The following THSD7B variants were observed in gnomAD, a reference collection of about 807,000 sequenced individuals.
The protein encoded by THSD7B is thrombospondin type 1 domain containing 7B.
In THSD7B, 138 loss-of-function variants were observed where a neutral mutation model predicts 213.6. That is an observed-to-expected ratio of 0.65 (90% CI 0.56 to 0.74). The LOEUF (loss-of-function observed/expected upper bound fraction) is 0.74. THSD7B is among the 30% of genes least tolerant of loss of function. The pLI is 0.00. For synonymous variants in THSD7B, 742 were observed against 687.0 expected (o/e 1.08, Z -1.25); for missense variants, 1,931 against 1,991.5 (o/e 0.97, Z 0.58).
At chr2:137,050,312 A>G (rs1360303733) in intron 2 of THSD7B, among the ~76,000 whole-genome samples, 1 of 152,238 alleles carries the variant, frequency 6.6e-6, no homozygotes, top group Non-Finnish European at 1.5e-5. Context: ...TGTTTGCATT[A>G]GCTGATAAGT....
At chr2:136,779,374 G>T (rs1336632886) in intron 1 of THSD7B, among the ~76,000 whole-genome samples, 2 of 152,062 alleles carry the variant, frequency 1.3e-5, no homozygotes, top group African/African-American at 4.8e-5. Flanking sequence ...AAGTGTCTTT[G>T]TTGGTGTGTG....
intron 12 of THSD7B, among the ~76,000 whole-genome samples, chr2:137,326,779 C>T (rs1274058600): frequency 3.9e-5 from 6 of 152,120 alleles, no homozygotes; most frequent in Non-Finnish European, 8.8e-5. Context: ...ACTGGATGTA[C>T]ACAAGTGAAT....
At chr2:137,284,861 A>G (rs1175737323) in intron 12 of THSD7B, among the ~76,000 whole-genome samples, 1 of 152,094 alleles carries the variant, frequency 6.6e-6, no homozygotes, top group African/African-American at 2.4e-5. Context: ...TGGTGCTGAA[A>G]AGAATGTATA....
chr2:136,996,546 A>T (rs190949673), intron 2 of THSD7B, among the ~76,000 whole-genome samples: 47 of 151,960 alleles, frequency 3.1e-4, no homozygotes, highest in African/African-American at 1.1e-3. Context: ...GGTCTTTCTT[A>T]TGTTGTCCAG....
At chr2:137,532,954 T>C (rs1306202065) in intron 15 of THSD7B, among the ~76,000 whole-genome samples, 1 of 151,312 alleles carries the variant, frequency 6.6e-6, no homozygotes, top group Non-Finnish European at 1.5e-5. Flanking sequence ...ATATATACCA[T>C]ACATTTATGT....
chr2:137,352,502 TA>T lies in THSD7B; in HGVS notation c.2501-53110del, dbSNP rs1685036455. On this transcript the variant is annotated intron_variant, in intron 12 of 27. Coordinates refer to ENST00000409968, the MANE Select transcript of THSD7B (RefSeq NM_001316349.2). ...TTAAGCCACTTAGTCCTCCTGGCCT[TA>T]TAGACTCTTTAATCAGTTTTGTTTC... 2.0e-5 allele frequency among the ~76,000 whole-genome samples: 3 copies of T among 152,042 alleles called. No homozygotes were observed. The East Asian group carries it at 5.8e-4, about 29-fold the overall frequency.
intron 1 of THSD7B, among the ~76,000 whole-genome samples, chr2:136,869,057 TA>T (rs1391313188): frequency 6.6e-6 from 1 of 152,190 alleles, no homozygotes; most frequent in Non-Finnish European, 1.5e-5. Context: ...TTTTTGATAT[TA>T]TTTCTATTAA....
intron 12 of THSD7B, among the ~76,000 whole-genome samples, chr2:137,352,345 A>G (rs1408316710): frequency 6.6e-6 from 1 of 151,912 alleles, no homozygotes; most frequent in East Asian, 1.9e-4. Context: ...ATGAACCATG[A>G]TTGCCTCTGA....
intron 2 of THSD7B, among the ~76,000 whole-genome samples, chr2:136,948,293 G>T (rs1424012977): frequency 2.0e-5 from 3 of 152,022 alleles, no homozygotes; most frequent in African/African-American, 4.8e-5. Flanking sequence ...GAAAAATTGA[G>T]ATTCCTTGAC....
At chr2:136,819,961 A>G (rs1682542491) in intron 1 of THSD7B, among the ~76,000 whole-genome samples, 1 of 152,000 alleles carries the variant, frequency 6.6e-6, no homozygotes, top group South Asian at 2.1e-4. Flanking sequence ...CCCCTTCCCC[A>G]CTATTCTGGT....
chr2:137,260,601 A>G (rs997988200), intron 10 of THSD7B, among the ~76,000 whole-genome samples: 1 of 152,140 alleles, frequency 6.6e-6, no homozygotes, highest in African/African-American at 2.4e-5. Flanking sequence ...TGTCTCTACA[A>G]AAAACAAACA....
At chr2:136,827,908 G>T (rs1032334529) in intron 1 of THSD7B, among the ~76,000 whole-genome samples, 4 of 151,990 alleles carry the variant, frequency 2.6e-5, no homozygotes, top group African/African-American at 4.8e-5. Context: ...TTACCTATTT[G>T]CTCATTCAGG....
intron 5 of THSD7B, among the ~76,000 whole-genome samples, chr2:137,127,161 C>G (rs79845025): frequency 0.016 from 2,444 of 152,208 alleles, 71 homozygotes; most frequent in African/African-American, 0.055. Flanking sequence ...GTGGTGCTTA[C>G]AGTCTTGCTG....
rs71301798 is a variant in THSD7B, at chr2:136,895,514, CTTTTTTTT to C, written c.139+13216_139+13223del. On this transcript the variant is annotated intron_variant, in intron 2 of 27. Transcript: ENST00000409968. ...ACCAATGTTTTATGCCAAGTGGAGA[CTTTTTTTT>C]TTTTTTTTTTTTTTTTTTACAGAAT... 1.3e-3 allele frequency among the ~76,000 whole-genome samples: 93 copies of C among 73,926 alleles called. 2 individuals are homozygous for C. The highest frequency in any genetic ancestry group is 7.0e-3 in the Admixed American group (34 of 4,868). The allele number at this position is 73,926 out of a possible 152,430, so 48.5% of individuals were successfully genotyped here.
chr2:137,165,324 G>A (rs4141823), intron 6 of THSD7B, among the ~76,000 whole-genome samples: 6,025 of 152,270 alleles, frequency 0.04, 371 homozygotes, highest in East Asian at 0.35. Context: ...GTAAGGTCTT[G>A]TTAAAACCTG....
chr2:136,846,348 T>G (rs1226296309), intron 1 of THSD7B, among the ~76,000 whole-genome samples: 1 of 152,138 alleles, frequency 6.6e-6, no homozygotes, highest in Non-Finnish European at 1.5e-5. Flanking sequence ...AAGATTACCT[T>G]TCATGCTTAG....
chr2:137,464,244 C>T (rs1687943595), intron 15 of THSD7B, among the ~76,000 whole-genome samples: 1 of 152,018 alleles, frequency 6.6e-6, no homozygotes, highest in Non-Finnish European at 1.5e-5. Flanking sequence ...ACCCTCAAAA[C>T]ATATACTACT....
At chr2:136,940,919 A>G (rs62172672) in intron 2 of THSD7B, among the ~76,000 whole-genome samples, 16,879 of 149,432 alleles carry the variant, frequency 0.11, 1,078 homozygotes, top group East Asian at 0.15. Context: ...AGTTTGTTAC[A>G]TGGGTATACA....
intron 5 of THSD7B, among the ~76,000 whole-genome samples, chr2:137,126,182 T>C (rs1365414404): frequency 6.6e-6 from 1 of 152,204 alleles, no homozygotes; most frequent in East Asian, 1.9e-4. Flanking sequence ...TCAGCCTATC[T>C]TTTAAAGCTT....
Sources: allele counts gnomAD v4.1 joint callset (sites outside exome capture counted in the v4.1 genomes callset), GRCh38; gene constraint gnomAD v4.1.1; transcripts MANE v1.5; gene names NCBI Gene and HGNC (gene_info 2026-07-23, HGNC 2026-07-21).